The following MS4A6E variants were observed in gnomAD, a reference collection of about 807,000 sequenced individuals.
MS4A6E encodes the protein membrane spanning 4-domains A6E.
A neutral mutation model predicts 13.2 loss-of-function variants in MS4A6E; 8 were observed. The observed-to-expected ratio is 0.60, with a 90% CI of 0.35 to 1.09. MS4A6E has a LOEUF of 1.09. Ranked by LOEUF, MS4A6E falls within the 50% of genes least tolerant of loss-of-function variation. MS4A6E has a pLI of 0.02. For missense variants in MS4A6E, 177 were observed against 171.1 expected (o/e 1.03, Z -0.19); for synonymous variants, 72 against 67.6 (o/e 1.06, Z -0.32).
At chr11:60,330,416 A>G (rs557775737) in intron 1 of MS4A6E, among the ~76,000 whole-genome samples, 6 of 127,194 alleles carry the variant, frequency 4.7e-5, no homozygotes, top group Admixed American at 1.0e-4. Context: ...ATCTCGGCTC[A>G]CTGCAAGCTC....
chr11:60,331,487 T>C (rs775106317), intron 1 of MS4A6E, among the ~76,000 whole-genome samples: 3 of 152,158 alleles, frequency 2.0e-5, no homozygotes, highest in Non-Finnish European at 4.4e-5. Context: ...CTGACTTTTG[T>C]TTTTGTTTTT....
chr11:60,341,500 G>C (rs189379024), downstream of MS4A6E, among the ~76,000 whole-genome samples: 63 of 152,184 alleles, frequency 4.1e-4, 1 homozygote, highest in East Asian at 9.3e-3. Context: ...GTTATGAAGA[G>C]ACAACCAGTT....
intron 1 of MS4A6E, among the ~76,000 whole-genome samples, chr11:60,328,746 T>G (rs908412598): frequency 8.1e-5 from 12 of 147,626 alleles, no homozygotes; most frequent in Admixed American, 6.2e-4. Flanking sequence ...AGAGTGAAAC[T>G]GTGGTTACCA....
intron 2 of MS4A6E, among the ~76,000 whole-genome samples, chr11:60,335,911 A>T (rs2135059762): frequency 6.6e-6 from 1 of 152,218 alleles, no homozygotes; most frequent in African/African-American, 2.4e-5. Flanking sequence ...AATGATGAGA[A>T]CACATGGACA....
chr11:60,330,934 T>A (rs993061417), intron 1 of MS4A6E, among the ~76,000 whole-genome samples: 1 of 152,186 alleles, frequency 6.6e-6, no homozygotes. Flanking sequence ...TGTAAATGTG[T>A]GGTGTTATTT....
At chr11:60,340,729 C>T (rs950163131) in intron 4 of MS4A6E, 47 bp from the exon 5 acceptor site, 3 of 189,994 alleles carry the variant, frequency 1.6e-5, no homozygotes, top group African/African-American at 2.3e-5. Context: ...AGTCTGAAGA[C>T]CTAACATACT....
intron 3 of MS4A6E, among the ~76,000 whole-genome samples, 163 bp from the exon 4 acceptor site, chr11:60,339,703 A>G (rs2085211238): frequency 6.6e-6 from 1 of 152,204 alleles, no homozygotes; most frequent in African/African-American, 2.4e-5. Context: ...GAAGGAGTTG[A>G]ATTAAGACAA....
Position 60,327,284 on chromosome 11 carries a change from G to A in MS4A6E, c.-139G>A, listed in dbSNP as rs1224044453. 2.0e-5 allele frequency among the ~76,000 whole-genome samples: 3 copies of A among 152,194 alleles called. No individual in the cohort carries two copies. On this transcript the variant is annotated 5_prime_UTR_variant, in exon 1 of 5. An upstream open reading frame in the 5' UTR loses its in-frame stop. Coordinates refer to ENST00000684409, the MANE Select transcript of MS4A6E (RefSeq NM_139249.4). Reference sequence around the variant, plus strand: ...CACCCTTCCATTCATTCCACCATGTGAGGACACAGTTTGTCCTATCTGGAA... The same window carrying A: ...CACCCTTCCATTCATTCCACCATGTAAGGACACAGTTTGTCCTATCTGGAA...
chr11:60,339,388 T>C (rs1590776346), intron 3 of MS4A6E, among the ~76,000 whole-genome samples: 1 of 152,234 alleles, frequency 6.6e-6, no homozygotes, highest in Non-Finnish European at 1.5e-5. Context: ...CAAAACCTCC[T>C]TGATCCTCAC....
intron 2 of MS4A6E, among the ~76,000 whole-genome samples, chr11:60,337,065 C>T (rs1022848984): frequency 3.9e-5 from 6 of 152,118 alleles, no homozygotes; most frequent in African/African-American, 1.4e-4. Context: ...TTACACCATC[C>T]TTGGGCCCGC....
At chr11:60,343,569 G>A (rs1444245891), downstream of MS4A6E, among the ~76,000 whole-genome samples, 1 of 152,064 alleles carries the variant, frequency 6.6e-6, no homozygotes, top group Admixed American at 6.6e-5. Context: ...TTCTCCTTGG[G>A]GTTCTATGAA....
chr11:60,339,553 G>A (rs2120185), intron 3 of MS4A6E, among the ~76,000 whole-genome samples: 126,815 of 152,216 alleles, frequency 0.83, 53,104 homozygotes, highest in East Asian at 0.96. Flanking sequence ...GAGCTATTAC[G>A]CCACTCTGCT....
At chr11:60,332,879 G>C (rs1279191544) in intron 1 of MS4A6E, among the ~76,000 whole-genome samples, 1 of 152,166 alleles carries the variant, frequency 6.6e-6, no homozygotes, top group East Asian at 1.9e-4. Context: ...TAAAACACCC[G>C]CATGCCCGCA....
intron 2 of MS4A6E, 133 bp from the exon 3 acceptor site, chr11:60,337,608 C>A (rs533610941): frequency 1.8e-6 from 2 of 1,108,656 alleles, no homozygotes; most frequent in South Asian, 1.5e-5. Flanking sequence ...GAGAGGCCTA[C>A]AACAAGAAAT....
At chr11:60,340,654 G>C (rs1316977238) in intron 4 of MS4A6E, 122 bp from the exon 5 acceptor site, 1 of 153,758 alleles carries the variant, frequency 6.5e-6, no homozygotes, top group Admixed American at 6.5e-5. Flanking sequence ...TCTTGGATTA[G>C]CTAAGAATTC....
At chr11:60,344,567 T>C (rs1590778519), downstream of MS4A6E, among the ~76,000 whole-genome samples, 1 of 152,246 alleles carries the variant, frequency 6.6e-6, no homozygotes, top group African/African-American at 2.4e-5. Flanking sequence ...TTAAGGACTT[T>C]CCATTGGCTA....
chr11:60,348,238 A>C (rs988811804), intron 4 of MS4A6E, among the ~76,000 whole-genome samples: 2 of 152,090 alleles, frequency 1.3e-5, no homozygotes, highest in Admixed American at 1.3e-4. Flanking sequence ...AAAGGGAGGA[A>C]ATTGGAAAAG....
At chr11:60,349,026 G>A (rs1321667554) in intron 4 of MS4A6E, among the ~76,000 whole-genome samples, 2 of 152,182 alleles carry the variant, frequency 1.3e-5, no homozygotes, top group African/African-American at 4.8e-5. Context: ...AGAATGGGGT[G>A]GGGGTGGATA....
At chr11:60,327,981 G>A (rs2085130424) in intron 1 of MS4A6E, among the ~76,000 whole-genome samples, 1 of 128,214 alleles carries the variant, frequency 7.8e-6, no homozygotes, top group African/African-American at 3.0e-5. Context: ...CATGAGCCAA[G>A]ATCGCACCAC....
Sources: gnomAD v4.1 joint callset for allele counts (sites outside exome capture counted in the v4.1 genomes callset) on GRCh38, gnomAD v4.1.1 for gene constraint, MANE v1.5 for transcripts, NCBI Gene and HGNC (gene_info 2026-07-23, HGNC 2026-07-21) for gene names.